The following PITPNM1 variants were observed in gnomAD, a reference collection of about 807,000 sequenced individuals.
PITPNM1 encodes the protein phosphatidylinositol transfer protein membrane associated 1, also known as membrane-associated phosphatidylinositol transfer protein 1.
Under a neutral mutation model 133.3 loss-of-function variants are expected in PITPNM1, and 74 were observed. The ratio of observed to expected loss-of-function variants is 0.56; its 90% CI spans 0.46 to 0.67. The LOEUF (loss-of-function observed/expected upper bound fraction) is 0.67, where lower values mean the gene tolerates loss of function less well. Among genes scored for constraint, PITPNM1 ranks in the 30% least tolerant of loss-of-function variants. PITPNM1 has a pLI of 0.00. For missense variants in PITPNM1, 1,398 were observed against 1,739.5 expected (o/e 0.80, Z 3.49); for synonymous variants, 738 against 741.4 (o/e 1.00, Z 0.08).
In PITPNM1 at chr11:67,501,718, C is replaced by CGCT. The variant is rs1412304604; in HGVS notation, c.640+141_640+143dup. On this transcript the variant is annotated intron_variant, in intron 5 of 23. Transcript: ENST00000356404. ...TGGATGCCTGGCTAGGCTGTGCGGC[C>CGCT]GCTTCTGCCCTAGTGCTCCCCACCT... The CGCT allele has an allele frequency of 4.3e-6, 3 of 692,890 alleles. No individual in the cohort carries two copies. The African/African-American group carries it at 5.4e-5, about 12-fold the overall frequency. The allele number at this position is 692,890 out of a possible 1,614,324, so 42.9% of individuals were successfully genotyped here. A position where few individuals can be genotyped will look rare whatever the true frequency, so the allele number is the denominator to read the frequency against.
rs775752989 is a variant in PITPNM1 at position 67,502,670 on chromosome 11, G to C, written c.127C>G (p.Leu43Val). ...CCATCCGTGTAGGGCCGGTTGGCCA[G>C]GATCTCCACGCCGCTGCCCTCACCA... Reference protein sequence around the residue: ...SSGEGSGVEILANRPYTDGPG... With the variant: ...SSGEGSGVEIVANRPYTDGPG... Residue 43 changes from leucine (L) to valine (V), a missense_variant, in exon 3 of 24, where the codon CTG (leucine) becomes GTG (valine). Around this residue, in one of 5 missense-constraint regions of PITPNM1, gnomAD observed 274 missense variants for 360.7 expected, o/e 0.76. Transcript: ENST00000356404. The surrounding 1 kb of genome is among the most constrained non-coding windows in gnomAD (Gnocchi z 5.9). The C allele has an allele frequency of 4.3e-6, 7 of 1,613,484 alleles. No homozygotes were observed. In the South Asian group the frequency reaches 5.5e-5, roughly 13 times the overall value.
chr11:67,493,306 G>C, intron 22 of PITPNM1, 104 bp downstream of exon 22: 1 of 1,302,736 alleles, frequency 7.7e-7, no homozygotes, highest in Non-Finnish European at 1.0e-6. Context: ...GCAGGGCCCG[G>C]GCCGATCCAG....
chr11:67,499,708 A>C lies in PITPNM1; in HGVS notation c.1171+15T>G. The C allele has an allele frequency of 7.0e-7, 1 of 1,424,490 alleles. No homozygotes were observed. Among genetic ancestry groups the C allele is most frequent in the Non-Finnish European group, 9.5e-7 (1 of 1,055,472 alleles). 88.2% of individuals were successfully genotyped at this position (1,424,490 alleles called of 1,614,324 possible). ...CACGGGTGCTGGGGGCCGGTGTCCTAGGCGGTATCTTTACCTGGCGTTCCC... is the reference window on the plus strand; with the variant it reads ...CACGGGTGCTGGGGGCCGGTGTCCTCGGCGGTATCTTTACCTGGCGTTCCC... On this transcript the variant is annotated intron_variant, in intron 8 of 23. Transcript: ENST00000356404.
Position 67,491,829 on chromosome 11 carries a change from T to A in PITPNM1, c.*204A>T, listed in dbSNP as rs554433385. 276 of 605,332 alleles carry A rather than the reference T, an allele frequency of 4.6e-4. No homozygotes were observed. The highest frequency in any genetic ancestry group is 1.8e-3 in the Middle Eastern group (4 of 2,220). The allele number at this position is 605,332 out of a possible 1,614,324, so 37.5% of individuals were successfully genotyped here. On this transcript the variant is annotated 3_prime_UTR_variant, in exon 24 of 24. Transcript: ENST00000356404. ...CACACTGGAAAAGCCTCTGCGCCCA[T>A]GCCCACGCCCTCCTCCCTCCCCCCG...
Position 67,492,139 on chromosome 11 carries a change from G to C in PITPNM1, c.3629C>G (p.Ser1210Trp), listed in dbSNP as rs766766007. 1.2e-6 allele frequency: 2 copies of C among 1,611,782 alleles called. No homozygotes were observed. The highest frequency in any genetic ancestry group is 1.7e-6 in the Non-Finnish European group (2 of 1,179,812). ...ACGCTCCGCCTGGCTGGGGCCCCTC[G>C]AGCGAAGCAGCTGGCTCTGTTTGCG... ...FLRKQSQLLR[S>W]RGPSQAEREG... The change falls in exon 24 of 24, where the codon TCG (serine) becomes TGG (tryptophan). Residue 1210 changes from serine (S) to tryptophan (W), a missense_variant. Physicochemically the swap from Ser to Trp is radical, Grantham distance 177 (BLOSUM62 -3). Around this residue, in one of 5 missense-constraint regions of PITPNM1, gnomAD observed 122 missense variants for 123.3 expected, o/e 0.99. Coordinates refer to ENST00000356404, the MANE Select transcript of PITPNM1 (RefSeq NM_004910.3).
chr11:67,496,095 G>A (rs942171942), intron 15 of PITPNM1, 83 bp downstream of exon 15: 8 of 1,286,724 alleles, frequency 6.2e-6, no homozygotes, highest in Non-Finnish European at 8.2e-6. Context: ...CATCGTCTGG[G>A]AGCCTCCTCA....
intron 8 of PITPNM1, 117 bp from the exon 9 acceptor site, chr11:67,499,118 C>T (rs771011617): frequency 8.7e-5 from 82 of 947,148 alleles, no homozygotes; most frequent in Non-Finnish European, 1.3e-4. Context: ...CTACCTTCCT[C>T]CAAACTTCTC....
rs1362251529 is a variant in PITPNM1, at chr11:67,502,454, C to T, written c.294-41G>A. Reference sequence around the variant, plus strand: ...GGGTGAGGCTCACTGCTGTACCCACCAGGGCCGCTCCCCTCCTGGCCTCGG... The same window carrying T: ...GGGTGAGGCTCACTGCTGTACCCACTAGGGCCGCTCCCCTCCTGGCCTCGG... On this transcript the variant is annotated intron_variant, in intron 3 of 23. Transcript: ENST00000356404. The surrounding 1 kb of genome is among the most constrained non-coding windows in gnomAD (Gnocchi z 5.9). The T allele has an allele frequency of 1.6e-5, 26 of 1,613,514 alleles. No homozygotes were observed. Among genetic ancestry groups the T allele is most frequent in the Non-Finnish European group, 2.1e-5 (25 of 1,179,902 alleles).
Position 67,494,012 on chromosome 11 carries a change from T to C in PITPNM1, c.2918A>G (p.Glu973Gly), listed in dbSNP as rs375223244. 2.0e-5 allele frequency: 33 copies of C among 1,612,088 alleles called. No homozygotes were observed. In the South Asian group the frequency reaches 2.1e-4, roughly 10 times the overall value. ...LSGKWIHFGT[E>G]VTNSSGRLTF... ...GAGGCGGCCCGAGCTATTGGTGACTTCGGTGCCAAAGTGGATCCACTTGCC... is the reference window on the plus strand; with the variant it reads ...GAGGCGGCCCGAGCTATTGGTGACTCCGGTGCCAAAGTGGATCCACTTGCC... Residue 973 changes from glutamate (E) to glycine (G), a missense_variant, in exon 20 of 24, where the codon GAA becomes GGA. This residue lies in a region of PITPNM1 where 233 missense variants were observed against 378.0 expected (regional missense o/e 0.62). Transcript: ENST00000356404.
chr11:67,496,931 C>CAA (rs772958237), intron 14 of PITPNM1: 282 of 159,080 alleles, frequency 1.8e-3, no homozygotes, highest in Middle Eastern at 3.8e-3. Context: ...GACTCTGTCT[C>CAA]AAAAAAAAAA....
Position 67,493,925 on chromosome 11 carries a change from A to G in PITPNM1, c.3005T>C (p.Val1002Ala). The G allele has an allele frequency of 1.3e-6, 2 of 1,566,038 alleles. No homozygotes were observed. Among genetic ancestry groups the G allele is most frequent in the South Asian group, 1.2e-5 (1 of 84,132 alleles). Residue 1002 changes from valine to alanine, a missense_variant, in exon 20 of 24, where the codon GTC becomes GCC. Physicochemically the swap from Val to Ala is moderately conservative, Grantham distance 64. Coordinates refer to ENST00000356404, the MANE Select transcript of PITPNM1 (RefSeq NM_004910.3). ...AGGCCCGGCCAGCCGCGCTCACCTGACCACCATGCGCACGGGGTAGACACC... is the reference window on the plus strand; with the variant it reads ...AGGCCCGGCCAGCCGCGCTCACCTGGCCACCATGCGCACGGGGTAGACACC... ...GIGVYPVRMV[V>A]RGDHTYAECC...
chr11:67,501,992 C>T lies in PITPNM1; in HGVS notation c.510G>A (p.Gly170=). ...RLYHSVKTGR[G]PLSDDWARTA... The stretch of plus-strand genomic sequence containing the variant: ...TCCGTGCCCAGTCATCAGACAGTGG[C>T]CCTCGGCCCGTCTTGACCGAGTGAT... The change falls in exon 5 of 24, where the codon GGG becomes GGA. Residue 170 remains glycine (G), a synonymous_variant. Coordinates refer to ENST00000356404, the MANE Select transcript of PITPNM1 (RefSeq NM_004910.3). 6.2e-7 allele frequency: 1 copy of T among 1,613,524 alleles called. No individual in the cohort carries two copies. Among genetic ancestry groups the T allele is most frequent in the South Asian group, 1.1e-5 (1 of 91,088 alleles).
In PITPNM1 at chr11:67,498,415, TG is replaced by T; in HGVS notation, c.1485-94del. On this transcript the variant is annotated intron_variant, in intron 10 of 23. Coordinates refer to ENST00000356404, the MANE Select transcript of PITPNM1 (RefSeq NM_004910.3). This position sits in a 1 kb window ranked among gnomAD's most constrained non-coding sequence, Gnocchi z 5.7. ...GGCCTGCTGGCAGGCCCTGGCTCTG[TG>T]GGTCCTCTGTGGGGAGCGTTAGCCC... is the stretch of plus-strand genomic sequence containing the variant. The T allele has an allele frequency of 1.4e-6, 2 of 1,400,950 alleles. No homozygotes were observed. The highest frequency in any genetic ancestry group is 1.9e-6 in the Non-Finnish European group (2 of 1,052,960). 86.8% of individuals were successfully genotyped at this position (1,400,950 alleles called of 1,614,324 possible).
rs568280910 is a variant in PITPNM1, at chr11:67,498,064, C to T, written c.1675-40G>A. Reference sequence around the variant, plus strand: ...GGGCACCATCAGGAGAGGCCTTGTCCTCACCCAGGCCAGACTACAGTGGGG... The same window carrying T: ...GGGCACCATCAGGAGAGGCCTTGTCTTCACCCAGGCCAGACTACAGTGGGG... On this transcript the variant is annotated intron_variant, in intron 11 of 23. Transcript: ENST00000356404. This position sits in a 1 kb window ranked among gnomAD's most constrained non-coding sequence, Gnocchi z 5.7. 1.1e-5 allele frequency: 18 copies of T among 1,607,952 alleles called. No homozygotes were observed. The South Asian group carries it at 1.4e-4, about 13-fold the overall frequency.
intron 23 of PITPNM1, 31 bp from the exon 24 acceptor site, chr11:67,492,327 G>A: frequency 6.6e-7 from 1 of 1,525,028 alleles, no homozygotes; most frequent in Non-Finnish European, 8.8e-7. Context: ...CGATGAGGGG[G>A]TGCTGGCCAA....
At chr11:67,499,471 A>C (rs977429726) in intron 8 of PITPNM1, among the ~76,000 whole-genome samples, 8 of 150,210 alleles carry the variant, frequency 5.3e-5, no homozygotes, top group Admixed American at 4.6e-4. Context: ...ATCACCTCTC[A>C]AGTGAAGCAT....
Position 67,500,307 on chromosome 11 carries a change from A to C in PITPNM1, c.755T>G (p.Leu252Arg). The C allele has an allele frequency of 6.2e-7, 1 of 1,611,572 alleles. No individual in the cohort carries two copies. Among genetic ancestry groups the C allele is most frequent in the Non-Finnish European group, 8.5e-7 (1 of 1,179,888 alleles). The change falls in exon 6 of 24, where the codon CTG (leucine) becomes CGG (arginine). Residue 252 changes from leucine (L) to arginine (R), a missense_variant. Around this residue, in one of 5 missense-constraint regions of PITPNM1, gnomAD observed 274 missense variants for 360.7 expected, o/e 0.76. Transcript: ENST00000356404. ...RALEEETARM[L>R]AQRMAKCNTG... ...GTTGCACTTGGCCATGCGCTGGGCC[A>C]GCATGCGAGCAGTCTCCTCTTCCAG...
At chr11:67,503,412 C>G (rs551975155) in intron 2 of PITPNM1, among the ~76,000 whole-genome samples, 32 of 152,212 alleles carry the variant, frequency 2.1e-4, no homozygotes, top group African/African-American at 7.7e-4. Flanking sequence ...CCCCCTCCCT[C>G]TCTGGGAGGC....
chr11:67,499,147 G>A (rs1269143127), intron 8 of PITPNM1, 146 bp from the exon 9 acceptor site: 7 of 764,508 alleles, frequency 9.2e-6, no homozygotes, highest in Admixed American at 8.7e-5. Context: ...AACTCTCCCA[G>A]GTCAGTTTGT....
Sources: allele counts gnomAD v4.1 joint callset (sites outside exome capture counted in the v4.1 genomes callset), GRCh38; gene constraint gnomAD v4.1.1; regional missense constraint gnomAD v4.1.1; non-coding constraint Gnocchi (gnomAD v3.1); transcripts MANE v1.5; gene names NCBI Gene and HGNC (gene_info 2026-07-23, HGNC 2026-07-21).